Variants in CNTNAP2 observed in about 807,000 individuals in gnomAD.
CNTNAP2 encodes the protein contactin-associated protein-like 2.
In CNTNAP2, 98 loss-of-function variants were observed where a neutral mutation model predicts 155.2. The ratio of observed to expected loss-of-function variants is 0.63; its 90% CI spans 0.54 to 0.75. CNTNAP2 has a LOEUF of 0.75. Among genes scored for constraint, CNTNAP2 ranks in the 30% least tolerant of loss-of-function variants. CNTNAP2 has a pLI of 0.00. For synonymous variants in CNTNAP2, 651 were observed against 631.2 expected (o/e 1.03, Z -0.47); for missense variants, 1,727 against 1,688.1 (o/e 1.02, Z -0.40).
chr7:147,360,142 T>C (rs1255833372), intron 9 of CNTNAP2, among the ~76,000 whole-genome samples: 1 of 152,200 alleles, frequency 6.6e-6, no homozygotes, highest in Non-Finnish European at 1.5e-5. Context: ...ATCTTGTTTA[T>C]GCATGGCTTC....
At chr7:147,017,498 T>G (rs549745477) in intron 3 of CNTNAP2, among the ~76,000 whole-genome samples, 115 of 152,204 alleles carry the variant, frequency 7.6e-4, no homozygotes, top group African/African-American at 2.7e-3. Flanking sequence ...AAATGGTTTC[T>G]AAAAGTATCT....
intron 3 of CNTNAP2, among the ~76,000 whole-genome samples, chr7:146,897,349 A>G (rs561063833): frequency 6.6e-6 from 1 of 152,276 alleles, no homozygotes; most frequent in South Asian, 2.1e-4. Flanking sequence ...GGAGGCCAGC[A>G]TATTCTGGTG....
chr7:146,377,882 A>G (rs1217884088), intron 1 of CNTNAP2, among the ~76,000 whole-genome samples: 3 of 152,356 alleles, frequency 2.0e-5, no homozygotes, highest in South Asian at 2.1e-4. Flanking sequence ...TTCTGATTCA[A>G]TAGGCCCAAC....
chr7:146,704,808 C>T (rs1221325023), intron 1 of CNTNAP2, among the ~76,000 whole-genome samples: 1 of 152,112 alleles, frequency 6.6e-6, no homozygotes, highest in African/African-American at 2.4e-5. Flanking sequence ...AGTCTCAAAC[C>T]TCATCTAGTC....
rs773155871 is a variant in CNTNAP2 at position 146,861,087 on chromosome 7, G to T, written c.402+21183G>T. Among the ~76,000 whole-genome samples, 3 of 151,976 alleles carry T rather than the reference G, an allele frequency of 2.0e-5. No homozygotes were observed. In the South Asian group the frequency reaches 6.2e-4, roughly 32 times the overall value. On this transcript the variant is annotated intron_variant, in intron 3 of 23. Coordinates refer to ENST00000361727, the MANE Select transcript of CNTNAP2 (RefSeq NM_014141.6). ...TTGGTTTTTTGTTTTTTGAGACCAA[G>T]CCTCATCCTATTTCCCAGGCTGGAG... is the stretch of plus-strand genomic sequence containing the variant.
intron 12 of CNTNAP2, among the ~76,000 whole-genome samples, chr7:147,636,490 T>A (rs145522239): frequency 2.7e-4 from 41 of 152,318 alleles, no homozygotes; most frequent in African/African-American, 9.4e-4. Flanking sequence ...GTTTGTTACA[T>A]AGATATACAT....
At chr7:146,652,946 C>A (rs1282481960) in intron 1 of CNTNAP2, among the ~76,000 whole-genome samples, 2 of 152,200 alleles carry the variant, frequency 1.3e-5, no homozygotes, top group East Asian at 3.9e-4. Flanking sequence ...TTTCTGGAAC[C>A]AATATGGTTG....
intron 1 of CNTNAP2, among the ~76,000 whole-genome samples, chr7:146,202,374 G>A (rs1031537055): frequency 4.6e-5 from 7 of 152,138 alleles, no homozygotes; most frequent in South Asian, 2.1e-4. Context: ...TAGATCAGTC[G>A]TCTCTTGAGT....
chr7:146,623,078 GC>G (rs1196209693), intron 1 of CNTNAP2, among the ~76,000 whole-genome samples: 1 of 151,786 alleles, frequency 6.6e-6, no homozygotes, highest in Admixed American at 6.6e-5. Context: ...GTTAGTGGTA[GC>G]CCCCTGGAGA....
At chr7:147,648,483 T>G (rs974724019) in intron 13 of CNTNAP2, among the ~76,000 whole-genome samples, 1 of 152,222 alleles carries the variant, frequency 6.6e-6, no homozygotes. Context: ...ACGCTGCTGA[T>G]AAAGACATAC....
intron 13 of CNTNAP2, among the ~76,000 whole-genome samples, chr7:147,652,657 A>G (rs1239115494): frequency 6.6e-6 from 1 of 152,142 alleles, no homozygotes; most frequent in Non-Finnish European, 1.5e-5. Flanking sequence ...AACCAAGATT[A>G]AAATCTAGGT....
intron 1 of CNTNAP2, among the ~76,000 whole-genome samples, chr7:146,561,963 A>G (rs1448543132): frequency 6.6e-6 from 1 of 151,658 alleles, no homozygotes; most frequent in Admixed American, 6.6e-5. Flanking sequence ...GCTATTTTTT[A>G]TATTTTTTTA....
At chr7:147,966,593 G>A (rs578174515) in intron 14 of CNTNAP2, among the ~76,000 whole-genome samples, 18 of 152,182 alleles carry the variant, frequency 1.2e-4, no homozygotes, top group Admixed American at 1.0e-3. Context: ...CTCTCTGTCC[G>A]TGTCACCCAG....
intron 1 of CNTNAP2, among the ~76,000 whole-genome samples, chr7:146,684,479 C>T (rs2533116): frequency 6.6e-6 from 1 of 151,910 alleles, no homozygotes; most frequent in Non-Finnish European, 1.5e-5. Context: ...TTTGACTACT[C>T]TAAATCTCTG....
chr7:147,915,075 T>C (rs1217339892), intron 14 of CNTNAP2, among the ~76,000 whole-genome samples: 1 of 152,128 alleles, frequency 6.6e-6, no homozygotes. Context: ...GAAATTAAAA[T>C]AAAAAATAAG....
chr7:147,201,467 T>C (rs1183737618), intron 8 of CNTNAP2, among the ~76,000 whole-genome samples: 2 of 152,210 alleles, frequency 1.3e-5, no homozygotes, highest in Non-Finnish European at 2.9e-5. Flanking sequence ...TTTATTCTCA[T>C]AGTTATTATA....
At chr7:147,851,801 C>G (rs183730091) in intron 13 of CNTNAP2, among the ~76,000 whole-genome samples, 11 of 151,694 alleles carry the variant, frequency 7.3e-5, no homozygotes, top group Admixed American at 3.3e-4. Context: ...AGGAGATATA[C>G]CTAATGTAAA....
rs779901891 is a variant in CNTNAP2, at chr7:147,132,409, G to T, written c.1248G>T (p.Ala416=). 1 of 1,613,546 alleles carries T rather than the reference G, an allele frequency of 6.2e-7. No individual in the cohort carries two copies. The highest frequency in any genetic ancestry group is 1.7e-5 in the Admixed American group (1 of 59,886). Residue 416 remains alanine, a synonymous_variant, in exon 8 of 24, where the codon GCG becomes GCT. Coordinates refer to ENST00000361727, the MANE Select transcript of CNTNAP2 (RefSeq NM_014141.6). ...PNGLLVFSHF[A]DNLGNVEIDL... is the part of the protein sequence containing the mutation. Reference sequence around the variant, plus strand: ...GTCTCCTGGTCTTCAGTCACTTTGCGGATAATTTGGGCAATGTGGAGATTG... The same window carrying T: ...GTCTCCTGGTCTTCAGTCACTTTGCTGATAATTTGGGCAATGTGGAGATTG...
chr7:146,741,117 G>GC (rs1801708772), intron 1 of CNTNAP2, among the ~76,000 whole-genome samples: 1 of 152,108 alleles, frequency 6.6e-6, no homozygotes. Context: ...TCCATACTGT[G>GC]CTGCCTGGGG....
Sources: gnomAD v4.1 joint callset for allele counts (sites outside exome capture counted in the v4.1 genomes callset) on GRCh38, gnomAD v4.1.1 for gene constraint, MANE v1.5 for transcripts, NCBI Gene and HGNC (gene_info 2026-07-23, HGNC 2026-07-21) for gene names.